PPP1R13B: variants seen among roughly 807,000 people sequenced by gnomAD.
PPP1R13B encodes the protein apoptosis-stimulating of p53 protein 1.
In PPP1R13B, 44 loss-of-function variants were observed where a neutral mutation model predicts 119.8. That is an observed-to-expected ratio of 0.37 (90% CI 0.29 to 0.47). PPP1R13B has a LOEUF of 0.47. PPP1R13B is among the 20% of genes least tolerant of loss of function. The probability of loss-of-function intolerance (pLI) is 0.99; values close to 1 mark genes in which losing one functional copy is unlikely to be tolerated. For missense variants in PPP1R13B, 1,227 were observed against 1,413.5 expected, an observed-to-expected ratio of 0.87 and a Z score of 2.12; for synonymous variants, 542 against 561.5, an observed-to-expected ratio of 0.97 and a Z score of 0.49.
chr14:103,832,412 AAT>A (rs2152078092), intron 1 of PPP1R13B, among the ~76,000 whole-genome samples: 1 of 152,324 alleles, frequency 6.6e-6, no homozygotes, highest in East Asian at 1.9e-4. Flanking sequence ...CCCCTCTAGT[AAT>A]CTCAGATGCA....
At chr14:103,748,475 GA>G (rs2084452079) in intron 8 of PPP1R13B, among the ~76,000 whole-genome samples, 1 of 152,214 alleles carries the variant, frequency 6.6e-6, no homozygotes, top group Non-Finnish European at 1.5e-5. Flanking sequence ...CAGAGCAGTA[GA>G]GGCTAACAAG....
At chr14:103,772,945 G>A (rs2085105661) in intron 4 of PPP1R13B, among the ~76,000 whole-genome samples, 1 of 152,178 alleles carries the variant, frequency 6.6e-6, no homozygotes, top group Admixed American at 6.5e-5. Context: ...GGGATTACAG[G>A]CATGAGCCAT....
chr14:103,846,785 G>C (rs2087047956), intron 1 of PPP1R13B: 2 of 457,392 alleles, frequency 4.4e-6, no homozygotes, highest in South Asian at 3.1e-5. Context: ...CAACATTGCA[G>C]ATACGGGAAA....
chr14:103,752,772 A>G (rs113803995), intron 7 of PPP1R13B, among the ~76,000 whole-genome samples: 3,511 of 152,156 alleles, frequency 0.023, 142 homozygotes, highest in African/African-American at 0.08. Context: ...TGATCTTGTG[A>G]TCTGCCCGCC....
intron 1 of PPP1R13B, chr14:103,847,068 G>A (rs980952976): frequency 2.3e-5 from 23 of 1,014,132 alleles, no homozygotes; most frequent in South Asian, 7.1e-5. Flanking sequence ...CGGCCGCGGA[G>A]GCCGAGCAGG....
chr14:103,847,214 G>C (rs1364747839), intron 1 of PPP1R13B, 85 bp downstream of exon 1: 2 of 1,049,734 alleles, frequency 1.9e-6, no homozygotes, highest in Middle Eastern at 9.0e-4. Context: ...ACCGGCCCGC[G>C]GGGGCTGGGA....
chr14:103,833,416 A>C (rs1284269272), intron 1 of PPP1R13B, among the ~76,000 whole-genome samples: 2 of 151,750 alleles, frequency 1.3e-5, no homozygotes, highest in African/African-American at 4.8e-5. Context: ...GGCCGAGGCG[A>C]GTGGATCACC....
intron 9 of PPP1R13B, among the ~76,000 whole-genome samples, chr14:103,745,487 G>GC (rs2084363169): frequency 6.6e-6 from 1 of 152,214 alleles, no homozygotes; most frequent in Non-Finnish European, 1.5e-5. Context: ...AAGTCTTATT[G>GC]CAAGGAAGCC....
chr14:103,842,371 C>T (rs542490787), intron 1 of PPP1R13B, among the ~76,000 whole-genome samples: 1 of 146,244 alleles, frequency 6.8e-6, no homozygotes, highest in African/African-American at 2.5e-5. Context: ...GGCACTGTCT[C>T]GGCTCACTGC....
chr14:103,837,104 G>A (rs996490796), intron 1 of PPP1R13B, among the ~76,000 whole-genome samples: 7 of 152,198 alleles, frequency 4.6e-5, no homozygotes, highest in Admixed American at 1.3e-4. Flanking sequence ...TCTGCCAGGT[G>A]CCTGGAGCAC....
Position 103,735,287 on chromosome 14 carries a change from C to A in PPP1R13B, c.3232-92G>T, listed in dbSNP as rs1301478168. The A allele has an allele frequency of 7.0e-6, 9 of 1,277,904 alleles. No individual in the cohort carries two copies. In the Admixed American group the frequency reaches 1.4e-4, roughly 19 times the overall value. The allele number at this position is 1,277,904 out of a possible 1,614,324, so 79.2% of individuals were successfully genotyped here. ...ACCCCTGCTCCTCACCTCAGCCACC[C>A]TGGACAGCCGTGCAGCACCCTTGTC... On this transcript the variant is annotated intron_variant, in intron 16 of 16. Coordinates refer to ENST00000202556, the MANE Select transcript of PPP1R13B (RefSeq NM_015316.3).
At chr14:103,775,162 C>T (rs11628481) in intron 4 of PPP1R13B, among the ~76,000 whole-genome samples, 67,790 of 152,062 alleles carry the variant, frequency 0.45, 15,623 homozygotes, top group African/African-American at 0.56. Flanking sequence ...ATATCATATA[C>T]AACACACCTC....
At chr14:103,745,796 T>A (rs1275700173) in intron 9 of PPP1R13B, among the ~76,000 whole-genome samples, 1 of 151,900 alleles carries the variant, frequency 6.6e-6, no homozygotes, top group Non-Finnish European at 1.5e-5. Context: ...CGTGGGTCAG[T>A]TTTTTTTGTT....
chr14:103,840,790 C>CA (rs34293851), intron 1 of PPP1R13B, among the ~76,000 whole-genome samples: 24,905 of 137,236 alleles, frequency 0.18, 3,570 homozygotes, highest in African/African-American at 0.41. Context: ...GACTTCCTCT[C>CA]AAAAAAAAAA....
At chr14:103,766,755 G>A (rs1048636438) in intron 4 of PPP1R13B, among the ~76,000 whole-genome samples, 6 of 152,076 alleles carry the variant, frequency 3.9e-5, no homozygotes, top group South Asian at 2.1e-4. Context: ...CTACAAGTGC[G>A]TGCCATCACG....
At chr14:103,846,584 T>A (rs564337469) in intron 1 of PPP1R13B, among the ~76,000 whole-genome samples, 1 of 152,222 alleles carries the variant, frequency 6.6e-6, no homozygotes, top group East Asian at 1.9e-4. Context: ...TTTTTAAAAA[T>A]CAGAATTCAG....
intron 1 of PPP1R13B, among the ~76,000 whole-genome samples, chr14:103,812,692 C>T (rs964850578): frequency 1.3e-5 from 2 of 151,848 alleles, no homozygotes; most frequent in East Asian, 1.9e-4. Flanking sequence ...TAGGATTACA[C>T]GCGTGAGCCA....
In PPP1R13B at chr14:103,733,660, A is replaced by G. The variant is rs749983911; in HGVS notation, c.*1494T>C. The G allele has an allele frequency of 6.6e-6, 1 of 152,628 alleles. No homozygotes were observed. Among genetic ancestry groups the G allele is most frequent in the Non-Finnish European group, 1.5e-5 (1 of 68,114 alleles). The allele number at this position is 152,628 out of a possible 1,614,324, so 9.5% of individuals were successfully genotyped here. A position where few individuals can be genotyped will look rare whatever the true frequency, so the allele number is the denominator to read the frequency against. On this transcript the variant is annotated 3_prime_UTR_variant, in exon 17 of 17. Transcript: ENST00000202556. ...AGCTTATGATTAAAAACTATTTTGAACATACGGACAAGGCCTCGCCTTCCT... is the reference window on the plus strand; with the variant it reads ...AGCTTATGATTAAAAACTATTTTGAGCATACGGACAAGGCCTCGCCTTCCT...
At chr14:103,806,062 A>T (rs2086010637) in intron 1 of PPP1R13B, among the ~76,000 whole-genome samples, 1 of 152,214 alleles carries the variant, frequency 6.6e-6, no homozygotes, top group Non-Finnish European at 1.5e-5. Context: ...AAAGTAGGAT[A>T]TATAAAACTT....
Sources: allele counts gnomAD v4.1 joint callset (sites outside exome capture counted in the v4.1 genomes callset), GRCh38; gene constraint gnomAD v4.1.1; transcripts MANE v1.5; gene names NCBI Gene and HGNC (gene_info 2026-07-23, HGNC 2026-07-21).